The following MICAL1 variants were observed in gnomAD, a reference collection of about 807,000 sequenced individuals.
MICAL1 encodes [F-actin]-monooxygenase MICAL1.
Under a neutral mutation model 131.8 loss-of-function variants are expected in MICAL1, and 95 were observed. That is an observed-to-expected ratio of 0.72 (90% CI 0.61 to 0.86). The LOEUF is 0.86. Ranked by LOEUF, MICAL1 falls within the 40% of genes least tolerant of loss-of-function variation. MICAL1 has a pLI of 0.00. For synonymous variants in MICAL1, 546 were observed against 554.2 expected (o/e 0.99, Z 0.21); for missense variants, 1,292 against 1,380.6 (o/e 0.94, Z 1.02).
rs961905878 is a variant in MICAL1 at position 109,446,773 on chromosome 6, C to T, written c.2228-1G>A. On this transcript the variant is annotated splice_acceptor_variant, in intron 17 of 24. Transcript: ENST00000358807. LOFTEE classifies it high-confidence loss of function. ...AGGTGCTGGAGGCAGTAGAAATGTC[C>T]TGGAAAGGGTAGAGAGGGGAGGAGG... 2 of 1,613,074 alleles carry T rather than the reference C, an allele frequency of 1.2e-6. No homozygotes were observed. Among genetic ancestry groups the T allele is most frequent in the African/African-American group, 2.7e-5 (2 of 74,882 alleles).
At chr6:109,446,641 G>A in intron 18 of MICAL1, 55 bp downstream of exon 18, 4 of 1,571,106 alleles carry the variant, frequency 2.5e-6, no homozygotes, top group Admixed American at 3.5e-5. Flanking sequence ...CTGGTTTGAC[G>A]AGACCCTCTT....
intron 22 of MICAL1, 97 bp from the exon 23 acceptor site, chr6:109,445,092 G>A (rs1292868452): frequency 3.2e-6 from 5 of 1,570,594 alleles, no homozygotes; most frequent in African/African-American, 2.7e-5. Context: ...GGGTGTCACA[G>A]GTATGTGTTA....
At chr6:109,456,217 C>T (rs183999492), upstream of MICAL1, among the ~76,000 whole-genome samples, 3,509 of 152,340 alleles carry the variant, frequency 0.023, 78 homozygotes, top group Non-Finnish European at 0.034. Context: ...GCCGCGGTCC[C>T]AGGTCCGCTG....
In MICAL1 at chr6:109,447,765, C is replaced by T. The variant is rs201069184; in HGVS notation, c.1945-43G>A. The T allele has an allele frequency of 3.6e-5, 58 of 1,613,480 alleles. No individual in the cohort carries two copies. The East Asian group carries it at 1.2e-3, about 35-fold the overall frequency. ...AGCTCTAAGTGTGATGTTTTGAGGTCCCAGTCCTCCCCACTTTCTGAATGT... is the reference window on the plus strand; with the variant it reads ...AGCTCTAAGTGTGATGTTTTGAGGTTCCAGTCCTCCCCACTTTCTGAATGT... On this transcript the variant is annotated intron_variant, in intron 14 of 24. Coordinates refer to ENST00000358807, the MANE Select transcript of MICAL1 (RefSeq NM_022765.4).
chr6:109,451,402 C>G lies in MICAL1; in HGVS notation c.933+198G>C, dbSNP rs1021105193. Among the ~76,000 whole-genome samples the G allele has an allele frequency of 7.9e-5, 12 of 152,168 alleles. 1 individual carries two copies. Among genetic ancestry groups the G allele is most frequent in the Admixed American group, 3.9e-4 (6 of 15,274 alleles). On this transcript the variant is annotated intron_variant, in intron 7 of 24. Coordinates refer to ENST00000358807, the MANE Select transcript of MICAL1 (RefSeq NM_022765.4). ...CTCCTGACCTCAGGTGATCCACCCACCTCGGCTTCCCAAAGTGCTGGGATT... is the reference window on the plus strand; with the variant it reads ...CTCCTGACCTCAGGTGATCCACCCAGCTCGGCTTCCCAAAGTGCTGGGATT...
rs568976831 is a variant in MICAL1 at position 109,446,714 on chromosome 6, A to G, written c.2286T>C (p.Asp762=). 1.1e-5 allele frequency: 17 copies of G among 1,613,778 alleles called. No individual in the cohort carries two copies. The highest frequency in any genetic ancestry group is 4.5e-5 in the East Asian group (2 of 44,856). Residue 762 remains aspartate (D), a synonymous_variant, in exon 18 of 25, where the codon GAT becomes GAC. Transcript: ENST00000358807. ...TCTTTACCGGACTCTCAGGGCCTCT[A>G]TCGCTGCCTTCCGCTTTGTGGTCTG... The part of the protein sequence containing the change: ...PQTDHKAEGS[D]RGPESPELPT...
At position 109,449,993 on chromosome 6, in the gene MICAL1, C is replaced by T; in HGVS notation, c.1284G>A (p.Glu428=). 1.2e-6 allele frequency: 2 copies of T among 1,614,086 alleles called. No homozygotes were observed. The highest frequency in any genetic ancestry group is 1.7e-6 in the Non-Finnish European group (2 of 1,179,980). The stretch of plus-strand genomic sequence containing the variant: ...ACCGCTCAGCCAACACCTCTAGGGA[C>T]TCAGCGCCCTCTGCCCACCGCTTCA... ...WMVKRWAEGA[E]SLEVLAERES... Residue 428 remains glutamate, a synonymous_variant, in exon 9 of 25, where the codon GAG becomes GAA. Coordinates refer to ENST00000358807, the MANE Select transcript of MICAL1 (RefSeq NM_022765.4).
chr6:109,453,757 C>T lies in MICAL1; in HGVS notation c.347G>A (p.Arg116His), dbSNP rs144411949. ...CACGTTGTGGCGAGAGAACTTGGTGCGCTTTTCCACCAGCACCACTCGGGC... is the reference window on the plus strand; with the variant it reads ...CACGTTGTGGCGAGAGAACTTGGTGTGCTTTTCCACCAGCACCACTCGGGC... ...LGARVVLVEK[R>H]TKFSRHNVLH... is the part of the protein sequence containing the mutation. Residue 116 changes from arginine (R) to histidine (H), a missense_variant, in exon 3 of 25, where the codon CGC (arginine) becomes CAC (histidine). By Grantham distance (29) the Arg-to-His change is conservative. Transcript: ENST00000358807. 3.0e-3 allele frequency: 4,836 copies of T among 1,613,702 alleles called. 7 individuals carry two copies. The highest frequency in any genetic ancestry group is 3.8e-3 in the Non-Finnish European group (4,478 of 1,180,002).
intron 7 of MICAL1, among the ~76,000 whole-genome samples, chr6:109,450,903 T>C (rs1050393417): frequency 2.6e-5 from 4 of 152,190 alleles, no homozygotes; most frequent in African/African-American, 9.7e-5. Flanking sequence ...AGATGGGAGA[T>C]GCAAATTTAA....
At position 109,446,354 on chromosome 6, in the gene MICAL1, G is replaced by A. The variant is rs183276533; in HGVS notation, c.2363C>T (p.Ser788Leu). ...MPPGLSTPTA[S>L]QEGAGPVPDP... Reference sequence around the variant, plus strand: ...TGGAACAGGACCGGCCCCCTCCTGCGAGGCTGTGGGAGTTGAGAGGCCTGG... The same window carrying A: ...TGGAACAGGACCGGCCCCCTCCTGCAAGGCTGTGGGAGTTGAGAGGCCTGG... The change falls in exon 19 of 25, where the codon TCG (serine) becomes TTG (leucine). Residue 788 changes from serine (S) to leucine (L), a missense_variant. Ser to Leu is a moderately radical substitution (Grantham distance 145, BLOSUM62 -2). Transcript: ENST00000358807. 1.4e-4 allele frequency: 219 copies of A among 1,613,442 alleles called. No individual in the cohort carries two copies. The African/African-American group carries it at 1.7e-3, about 12-fold the overall frequency.
In MICAL1 at chr6:109,448,809, G is replaced by A. The variant is rs780406785; in HGVS notation, c.1587C>T (p.His529=). ...CCCAGGAGGAAGACAAATCGGAGAC[G>A]TGGACTCCCGGGTACCCAGCTGTCT... ...QEQTAGYPGV[H]VSDLSSSWAD... The change falls in exon 12 of 25, where the codon CAC becomes CAT. Residue 529 remains histidine, a synonymous_variant. Coordinates refer to ENST00000358807, the MANE Select transcript of MICAL1 (RefSeq NM_022765.4). 36 of 1,613,944 alleles carry A rather than the reference G, an allele frequency of 2.2e-5. No homozygotes were observed. Among genetic ancestry groups the A allele is most frequent in the Middle Eastern group, 1.6e-4 (1 of 6,082 alleles).
upstream of MICAL1, among the ~76,000 whole-genome samples, chr6:109,460,455 C>T (rs1047396816): frequency 2.0e-5 from 3 of 147,208 alleles, no homozygotes; most frequent in Admixed American, 6.8e-5. Flanking sequence ...GAAATGTAAT[C>T]GAATGAGCTT....
rs1582656777 is a variant in MICAL1, at chr6:109,455,643, G to A, written c.-44+76C>T. The A allele has an allele frequency of 1.1e-6, 1 of 933,232 alleles. No individual in the cohort carries two copies. Among genetic ancestry groups the A allele is most frequent in the Non-Finnish European group, 1.3e-6 (1 of 782,116 alleles). 57.8% of individuals were successfully genotyped at this position (933,232 alleles called of 1,614,324 possible). A position where few individuals can be genotyped will look rare whatever the true frequency, so the allele number is the denominator to read the frequency against. ...GCGTGGTTCCCGAGCGACCGCAGCT[G>A]CGTTTCCCCGGAAGCGCACCCCACC... On this transcript the variant is annotated intron_variant, in intron 1 of 24. Coordinates refer to ENST00000358807, the MANE Select transcript of MICAL1 (RefSeq NM_022765.4). The surrounding 1 kb of genome is among the most constrained non-coding windows in gnomAD (Gnocchi z 4.7).
intron 1 of MICAL1, among the ~76,000 whole-genome samples, chr6:109,461,565 C>A (rs549241863): frequency 7.2e-5 from 11 of 152,118 alleles, no homozygotes; most frequent in African/African-American, 2.4e-4. Flanking sequence ...TATAGTGAGA[C>A]CCTGTCTCCA....
At chr6:109,446,942 G>T in intron 17 of MICAL1, 131 bp downstream of exon 17, 1 of 1,282,480 alleles carries the variant, frequency 7.8e-7, no homozygotes, top group Non-Finnish European at 1.1e-6. Flanking sequence ...GGACAGAGAA[G>T]ACCCTGAGCT....
At position 109,449,768 on chromosome 6, in the gene MICAL1, C is replaced by A. The variant is rs759027697; in HGVS notation, c.1323G>T (p.Gln441His). 1.2e-6 allele frequency: 2 copies of A among 1,609,018 alleles called. No homozygotes were observed. Among genetic ancestry groups the A allele is most frequent in the Non-Finnish European group, 8.5e-7 (1 of 1,177,502 alleles). Residue 441 changes from glutamine to histidine, a missense_variant, in exon 10 of 25, where the codon CAG (glutamine) becomes CAT (histidine). Transcript: ENST00000358807. ...EVLAERESLY[Q>H]LLSQTSPENM... ...TTTCTGGGGATGTCTGTGACAGAAG[C>A]TGGTACAGGCTCTCACTGAGGGGGT...
rs755103333 is a variant in MICAL1, at chr6:109,444,939, T to C, written c.2938A>G (p.Lys980Glu). ...WVGQLLQLVDKKNSLVAEEAE... is the reference protein window; with the variant it reads ...WVGQLLQLVDEKNSLVAEEAE... ...TCCTCAGCCACCAGGCTGTTTTTCT[T>C]GTCAACGAGCTGTAGCAGCTGTCCT... Residue 980 changes from lysine to glutamate, a missense_variant, in exon 23 of 25, where the codon AAG (lysine) becomes GAG (glutamate). Transcript: ENST00000358807. 1.9e-6 allele frequency: 3 copies of C among 1,614,032 alleles called. No individual in the cohort carries two copies. The highest frequency in any genetic ancestry group is 4.5e-5 in the East Asian group (2 of 44,884).
chr6:109,445,770 C>CCACAT lies in MICAL1; in HGVS notation c.2673_2673+1insATGTG (p.Ala892MetfsTer14), dbSNP rs778848591. On this transcript the variant is annotated frameshift_variant and splice_region_variant. Transcript: ENST00000358807. LOFTEE classifies it high-confidence loss of function. ...TTGTGGCTGCACGCTGGCCCACTCA[C>CCACAT]CTGTTCCACATCTGAGTCCAAAGGC... 4.3e-6 allele frequency: 7 copies of CCACAT among 1,609,880 alleles called. No individual in the cohort carries two copies. The highest frequency in any genetic ancestry group is 4.2e-6 in the Non-Finnish European group (5 of 1,178,350).
Position 109,444,335 on chromosome 6 carries a change from G to GT in MICAL1, c.3059dup (p.Asn1020LysfsTer7). On this transcript the variant is annotated frameshift_variant, in exon 25 of 25. Transcript: ENST00000358807. LOFTEE classifies it high-confidence loss of function. Reference sequence around the variant, plus strand: ...CCTGCCGATCAGCAGCTGTCTTTAGGTTTTCTAAAAGGAGGAGACAAAGCT... The same window carrying GT: ...CCTGCCGATCAGCAGCTGTCTTTAGGTTTTTCTAAAAGGAGGAGACAAAGCT... The GT allele has an allele frequency of 6.2e-7, 1 of 1,613,426 alleles. No individual in the cohort carries two copies. The highest frequency in any genetic ancestry group is 1.3e-5 in the African/African-American group (1 of 75,034).
Sources: allele counts gnomAD v4.1 joint callset (sites outside exome capture counted in the v4.1 genomes callset), GRCh38; gene constraint gnomAD v4.1.1; non-coding constraint Gnocchi (gnomAD v3.1); transcripts MANE v1.5; gene names NCBI Gene and HGNC (gene_info 2026-07-23, HGNC 2026-07-21).